ZNF423: variants seen among roughly 807,000 people sequenced by gnomAD.
ZNF423 encodes the protein Ebf-associated zinc finger protein.
Under a neutral mutation model 95.8 loss-of-function variants are expected in ZNF423, and 12 were observed. The observed-to-expected ratio is 0.13, with a 90% CI of 0.08 to 0.20. ZNF423 has a LOEUF of 0.20. Ranked by LOEUF, ZNF423 falls within the 10% of genes least tolerant of loss-of-function variation. The pLI is 1.00. For missense variants in ZNF423, 1,316 were observed against 1,737.1 expected (o/e 0.76, Z 4.31); for synonymous variants, 749 against 711.9 (o/e 1.05, Z -0.83).
chr16:49,837,930 A>G (rs544380173), intron 1 of ZNF423, among the ~76,000 whole-genome samples: 2 of 152,340 alleles, frequency 1.3e-5, no homozygotes, highest in South Asian at 4.1e-4. Context: ...CGGTCTCTCA[A>G]TGAACAATTA....
intron 5 of ZNF423, among the ~76,000 whole-genome samples, chr16:49,594,906 G>C (rs1438991606): frequency 6.6e-6 from 1 of 152,230 alleles, no homozygotes; most frequent in Non-Finnish European, 1.5e-5. Flanking sequence ...GAGAGCAAGA[G>C]GGCGGAAGGA....
intron 5 of ZNF423, among the ~76,000 whole-genome samples, chr16:49,615,122 A>T (rs940712025): frequency 1.9e-4 from 23 of 121,982 alleles, no homozygotes; most frequent in Admixed American, 4.8e-4. Context: ...CAAGAAAGAA[A>T]CTCCATCTCA....
intron 3 of ZNF423, among the ~76,000 whole-genome samples, chr16:49,654,244 C>T (rs1973521201): frequency 6.6e-6 from 1 of 152,214 alleles, no homozygotes; most frequent in East Asian, 1.9e-4. Context: ...CCATGGTGGT[C>T]ACTGCCCCCG....
chr16:49,701,402 C>T (rs183696421), intron 3 of ZNF423, among the ~76,000 whole-genome samples: 1 of 152,088 alleles, frequency 6.6e-6, no homozygotes, highest in African/African-American at 2.4e-5. Flanking sequence ...GAAACCAGTT[C>T]GCACGGGAGA....
chr16:49,636,456 A>G lies in ZNF423; in HGVS notation c.2720T>C (p.Val907Ala). Residue 907 changes from valine (V) to alanine (A), a missense_variant, in exon 4 of 8, where the codon GTG becomes GCG. Transcript: ENST00000563137. The surrounding 1 kb of genome is among the most constrained non-coding windows in gnomAD (Gnocchi z 8.6). ...CCGCAGCCGGTGATTCTGCAGCAGC[A>G]CCTCCATGGTGTAGGCCGCCCCACA... ...DICGAAYTME[V>A]LLQNHRLRDH... 1 of 1,613,252 alleles carries G rather than the reference A, an allele frequency of 6.2e-7. No individual in the cohort carries two copies. The highest frequency in any genetic ancestry group is 8.5e-7 in the Non-Finnish European group (1 of 1,179,970).
intron 5 of ZNF423, among the ~76,000 whole-genome samples, chr16:49,558,109 G>C (rs1969895154): frequency 6.6e-6 from 1 of 152,214 alleles, no homozygotes; most frequent in African/African-American, 2.4e-5. Context: ...GGCAAGGACT[G>C]TTTTTGAGAT....
rs570788481 is a variant in ZNF423, at chr16:49,749,158, G to A, written c.101-18187C>T. Among the ~76,000 whole-genome samples the A allele has an allele frequency of 2.6e-5, 4 of 152,282 alleles. No individual in the cohort carries two copies. In the South Asian group the frequency reaches 8.3e-4, roughly 32 times the overall value. On this transcript the variant is annotated intron_variant, in intron 2 of 7. Transcript: ENST00000563137. The stretch of plus-strand genomic sequence containing the variant: ...TCTAGCAGCACCAAGTCTCACCAAA[G>A]ACAGAAGCCCCAGAAGTGAGGTCCC...
chr16:49,854,337 C>T (rs2035333412), intron 1 of ZNF423: 1 of 985,406 alleles, frequency 1.0e-6, no homozygotes, highest in Non-Finnish European at 1.2e-6. Context: ...GGGGGCAGTC[C>T]CTCCGGGGAC....
chr16:49,706,776 C>G (rs954049806), intron 3 of ZNF423, among the ~76,000 whole-genome samples: 5 of 152,212 alleles, frequency 3.3e-5, no homozygotes, highest in Non-Finnish European at 7.3e-5. Context: ...AAGGCCAGGT[C>G]TGATTGACCC....
chr16:49,837,820 G>A (rs992708835), intron 1 of ZNF423, among the ~76,000 whole-genome samples: 1 of 152,234 alleles, frequency 6.6e-6, no homozygotes, highest in Non-Finnish European at 1.5e-5. Flanking sequence ...ACTAGCCACT[G>A]TCCTCTGCAG....
At position 49,760,915 on chromosome 16, in the gene ZNF423, A is replaced by AACAC. The variant is rs112034770; in HGVS notation, c.100+28568_100+28571dup. Among the ~76,000 whole-genome samples the AACAC allele has an allele frequency of 6.3e-3, 929 of 148,260 alleles. 7 individuals carry two copies. The highest frequency in any genetic ancestry group is 0.017 in the African/African-American group (674 of 40,180). The stretch of plus-strand genomic sequence containing the variant: ...CATGCCGTCACCACCACCTCCCTCC[A>AACAC]ACACACACACACACACACACACGTA... On this transcript the variant is annotated intron_variant, in intron 2 of 7. Transcript: ENST00000563137.
chr16:49,743,676 G>T (rs1567323188), intron 2 of ZNF423, among the ~76,000 whole-genome samples: 1 of 152,000 alleles, frequency 6.6e-6, no homozygotes, highest in Non-Finnish European at 1.5e-5. Flanking sequence ...CCCAGACCCG[G>T]CTCTAGGGCC....
At chr16:49,654,486 TAGGGAGCTTTCCCTTAGCCAAGG>T (rs1973534419) in intron 3 of ZNF423, among the ~76,000 whole-genome samples, 1 of 152,210 alleles carries the variant, frequency 6.6e-6, no homozygotes, top group Non-Finnish European at 1.5e-5. Context: ...TGCAGGGTTG[TAGGGAGCTTTCCCTTAGCCAAGG>T]CCACTGGGTG....
At chr16:49,594,641 C>T (rs1416271276) in intron 5 of ZNF423, among the ~76,000 whole-genome samples, 1 of 152,130 alleles carries the variant, frequency 6.6e-6, no homozygotes, top group East Asian at 1.9e-4. Context: ...AAACACAAAG[C>T]ACAGAAAGAA....
chr16:49,749,256 C>G (rs2033586994), intron 2 of ZNF423, among the ~76,000 whole-genome samples: 1 of 152,120 alleles, frequency 6.6e-6, no homozygotes, highest in Non-Finnish European at 1.5e-5. Flanking sequence ...CAAGAAACGC[C>G]CATGCCGGGG....
At position 49,637,900 on chromosome 16, in the gene ZNF423, C is replaced by A. The variant is rs780636926; in HGVS notation, c.1276G>T (p.Asp426Tyr). 1.9e-6 allele frequency: 3 copies of A among 1,614,174 alleles called. No individual in the cohort carries two copies. Among genetic ancestry groups the A allele is most frequent in the Non-Finnish European group, 1.7e-6 (2 of 1,180,040 alleles). ...TCCAGCACGGCCAGGCTGTTAAAGT[C>A]CCGCTTGGAACAATAGGGGCAGCTA... ...VYSCPYCSKR[D>Y]FNSLAVLEIH... The change falls in exon 4 of 8, where the codon GAC (aspartate) becomes TAC (tyrosine). Residue 426 changes from aspartate (D) to tyrosine (Y), a missense_variant. Around this residue, in one of 6 missense-constraint regions of ZNF423, gnomAD observed 399 missense variants for 478.5 expected, o/e 0.83. Transcript: ENST00000563137. The surrounding 1 kb of genome is among the most constrained non-coding windows in gnomAD (Gnocchi z 5.6).
Position 49,490,872 on chromosome 16 carries a change from G to GC in ZNF423, c.*402_*403insG, listed in dbSNP as rs919838032. 16 of 27,532 alleles carry GC rather than the reference G, an allele frequency of 5.8e-4. No homozygotes were observed. Among genetic ancestry groups the GC allele is most frequent in the Non-Finnish European group, 5.9e-5 (1 of 17,038 alleles). The allele number at this position is 27,532 out of a possible 1,614,324, so 1.7% of individuals were successfully genotyped here. ...TAAAAAGTAGTTAACCGAAGGGGGT[G>GC]GGGGGTGGGGGGGAAGAAAAACAAG... On this transcript the variant is annotated 3_prime_UTR_variant, in exon 8 of 8. Transcript: ENST00000563137.
chr16:49,808,124 G>C lies in ZNF423; in HGVS notation c.41-18578C>G, dbSNP rs2034694416. Among the ~76,000 whole-genome samples, 3 of 151,918 alleles carry C rather than the reference G, an allele frequency of 2.0e-5. No individual in the cohort carries two copies. In the South Asian group the frequency reaches 6.2e-4, roughly 32 times the overall value. ...TCACCAAGGCTGGAGTGCAGTGGCT[G>C]CATCATAGCTAAGTGCAGCTTCGAG... On this transcript the variant is annotated intron_variant, in intron 1 of 7. Coordinates refer to ENST00000563137, the MANE Select transcript of ZNF423 (RefSeq NM_001379286.1).
At chr16:49,834,687 C>T (rs999033077) in intron 1 of ZNF423, among the ~76,000 whole-genome samples, 4 of 152,166 alleles carry the variant, frequency 2.6e-5, no homozygotes, top group East Asian at 1.9e-4. Context: ...TGTCTGTCCA[C>T]GGAGGGGGCA....
Sources: allele counts gnomAD v4.1 joint callset (sites outside exome capture counted in the v4.1 genomes callset), GRCh38; gene constraint gnomAD v4.1.1; regional missense constraint gnomAD v4.1.1; non-coding constraint Gnocchi (gnomAD v3.1); transcripts MANE v1.5; gene names NCBI Gene and HGNC (gene_info 2026-07-23, HGNC 2026-07-21).